NLGN1: variants seen among roughly 807,000 people sequenced by gnomAD.
The protein encoded by NLGN1 is neuroligin 1.
NLGN1 carries 12 observed loss-of-function variants against 65.5 expected under a neutral mutation model. The ratio of observed to expected loss-of-function variants is 0.18; its 90% CI spans 0.12 to 0.30. NLGN1 has a LOEUF of 0.30. Ranked by LOEUF, NLGN1 falls within the 10% of genes least tolerant of loss-of-function variation. The pLI is 1.00. For missense variants in NLGN1, 750 were observed against 1,007.1 expected (o/e 0.74, Z 3.46); for synonymous variants, 350 against 359.5 (o/e 0.97, Z 0.30).
intron 4 of NLGN1, among the ~76,000 whole-genome samples, chr3:174,210,173 T>A (rs907215269): frequency 2.0e-5 from 3 of 152,152 alleles, no homozygotes; most frequent in African/African-American, 7.2e-5. Context: ...TCCAACTCCA[T>A]CCTCACTCAC....
intron 2 of NLGN1, among the ~76,000 whole-genome samples, chr3:173,558,992 G>A (rs1238528697): frequency 6.6e-6 from 1 of 152,090 alleles, no homozygotes; most frequent in Admixed American, 6.5e-5. Flanking sequence ...TGGTTGAATA[G>A]ATCTGATATG....
intron 3 of NLGN1, among the ~76,000 whole-genome samples, chr3:173,624,797 A>G (rs1391838381): frequency 2.0e-5 from 3 of 152,062 alleles, no homozygotes; most frequent in Admixed American, 6.6e-5. Flanking sequence ...AGACTAATTT[A>G]TAGCTCATAG....
intron 4 of NLGN1, among the ~76,000 whole-genome samples, chr3:174,003,172 A>C (rs1454453361): frequency 6.6e-6 from 1 of 152,272 alleles, no homozygotes; most frequent in Non-Finnish European, 1.5e-5. Flanking sequence ...AAAAGGAATA[A>C]TAGTGACATT....
chr3:173,670,920 TTAAATGTA>T (rs1215426869), intron 3 of NLGN1, among the ~76,000 whole-genome samples: 1 of 152,186 alleles, frequency 6.6e-6, no homozygotes, highest in Non-Finnish European at 1.5e-5. Flanking sequence ...TCAAAAAGCA[TTAAATGTA>T]CTCAAATAAA....
chr3:174,264,961 C>T (rs1253530275), intron 4 of NLGN1, among the ~76,000 whole-genome samples: 1 of 152,092 alleles, frequency 6.6e-6, no homozygotes, highest in Non-Finnish European at 1.5e-5. Context: ...GTCAGTGTGC[C>T]CCTGCTGGGG....
At chr3:173,977,556 C>A (rs1717783118) in intron 4 of NLGN1, among the ~76,000 whole-genome samples, 1 of 151,916 alleles carries the variant, frequency 6.6e-6, no homozygotes, top group Non-Finnish European at 1.5e-5. Flanking sequence ...CAGGAATTAA[C>A]AATTTTTATA....
intron 3 of NLGN1, among the ~76,000 whole-genome samples, chr3:173,767,039 A>G (rs1778882444): frequency 6.6e-6 from 1 of 152,196 alleles, no homozygotes; most frequent in African/African-American, 2.4e-5. Context: ...AATAGTAATT[A>G]CAATGTATCC....
At chr3:174,171,450 T>C (rs73035635) in intron 4 of NLGN1, among the ~76,000 whole-genome samples, 2,290 of 152,272 alleles carry the variant, frequency 0.015, 56 homozygotes, top group African/African-American at 0.052. Context: ...TAAAAATAAG[T>C]AGTGGCACAC....
At position 174,271,301 on chromosome 3, in the gene NLGN1, ATTT is replaced by A. The variant is rs10590236; in HGVS notation, c.647-4005_647-4003del. Among the ~76,000 whole-genome samples the A allele has an allele frequency of 9.3e-4, 141 of 150,806 alleles. 1 individual carries two copies. The highest frequency in any genetic ancestry group is 2.9e-3 in the African/African-American group (119 of 41,316). ...GTCATCTCAAATGTAAACAGTCTGCATTTTTTTTTTTAACATTCTAAAGATATT... is the reference window on the plus strand; with the variant it reads ...GTCATCTCAAATGTAAACAGTCTGCATTTTTTTTAACATTCTAAAGATATT... On this transcript the variant is annotated intron_variant, in intron 4 of 6. Coordinates refer to ENST00000457714, the Ensembl canonical transcript of NLGN1.
chr3:173,701,630 T>A (rs1180395427), intron 3 of NLGN1, among the ~76,000 whole-genome samples: 1 of 152,224 alleles, frequency 6.6e-6, no homozygotes, highest in Non-Finnish European at 1.5e-5. Context: ...AGGAAACTAA[T>A]ACACAGTTAT....
intron 2 of NLGN1, among the ~76,000 whole-genome samples, chr3:173,488,115 A>C (rs991917213): frequency 2.0e-5 from 3 of 151,550 alleles, no homozygotes; most frequent in African/African-American, 7.3e-5. Context: ...TAGTGTTAAC[A>C]TTAGATTTTT....
chr3:173,839,272 A>T (rs1488556), intron 4 of NLGN1, among the ~76,000 whole-genome samples: 98,631 of 151,750 alleles, frequency 0.65, 33,006 homozygotes, highest in Non-Finnish European at 0.73. Context: ...TTTGAAGTAA[A>T]TTTGGAAAAC....
At chr3:173,518,125 A>G (rs746766648) in intron 2 of NLGN1, among the ~76,000 whole-genome samples, 4 of 152,320 alleles carry the variant, frequency 2.6e-5, no homozygotes, top group Middle Eastern at 3.4e-3. Flanking sequence ...TAGATCTTCA[A>G]CTGCCTTCAG....
chr3:174,276,083 T>TTTGA (rs1324337616), intron 5 of NLGN1, among the ~76,000 whole-genome samples: 1 of 151,908 alleles, frequency 6.6e-6, no homozygotes, highest in Non-Finnish European at 1.5e-5. Context: ...TGGTAGAGCT[T>TTTGA]TTGATTAAAA....
At chr3:174,168,560 C>G (rs1239132804) in intron 4 of NLGN1, among the ~76,000 whole-genome samples, 3 of 152,080 alleles carry the variant, frequency 2.0e-5, no homozygotes, top group Non-Finnish European at 4.4e-5. Flanking sequence ...GCAGTTCATC[C>G]TACAAGCCCA....
chr3:174,056,093 C>T (rs1736010326), intron 4 of NLGN1, among the ~76,000 whole-genome samples: 1 of 151,982 alleles, frequency 6.6e-6, no homozygotes, highest in Non-Finnish European at 1.5e-5. Context: ...ATTATTACTT[C>T]CCTTTAAAGA....
intron 4 of NLGN1, among the ~76,000 whole-genome samples, chr3:174,091,565 G>T (rs1031425000): frequency 9.9e-5 from 15 of 152,152 alleles, no homozygotes; most frequent in African/African-American, 3.1e-4. Flanking sequence ...AAGAGGTCAT[G>T]CTGCAGCTAC....
chr3:174,259,215 T>G (rs1020245671), intron 4 of NLGN1, among the ~76,000 whole-genome samples: 7 of 152,132 alleles, frequency 4.6e-5, no homozygotes, highest in Non-Finnish European at 8.8e-5. Flanking sequence ...GACCTTATCT[T>G]ATATATTTCT....
intron 2 of NLGN1, among the ~76,000 whole-genome samples, chr3:173,505,315 T>C (rs1436814171): frequency 1.3e-5 from 2 of 152,100 alleles, no homozygotes; most frequent in Non-Finnish European, 2.9e-5. Flanking sequence ...CATTGGCAGA[T>C]TGTAATGGAG....
Sources: gnomAD v4.1 joint callset for allele counts (sites outside exome capture counted in the v4.1 genomes callset) on GRCh38, gnomAD v4.1.1 for gene constraint, MANE v1.5 for transcripts, NCBI Gene and HGNC (gene_info 2026-07-23, HGNC 2026-07-21) for gene names.